The following ATP9B variants were observed in gnomAD, a reference collection of about 807,000 sequenced individuals.
ATP9B encodes the protein ATPase phospholipid transporting 9B, also known as probable phospholipid-transporting ATPase IIB.
In ATP9B, 110 loss-of-function variants were observed where a neutral mutation model predicts 146.1. That is an observed-to-expected ratio of 0.75 (90% CI 0.65 to 0.88). ATP9B has a LOEUF of 0.88. Among genes scored for constraint, ATP9B ranks in the 40% least tolerant of loss-of-function variants. The pLI, the probability that ATP9B is intolerant of heterozygous loss-of-function variation, is 0.00. For synonymous variants in ATP9B, 604 were observed against 569.7 expected (o/e 1.06, Z -0.86); for missense variants, 1,499 against 1,496.4 (o/e 1.00, Z -0.03).
At chr18:79,154,144 G>A (rs1192563028) in intron 6 of ATP9B, among the ~76,000 whole-genome samples, 1 of 146,916 alleles carries the variant, frequency 6.8e-6, no homozygotes, top group African/African-American at 2.5e-5. Context: ...TTTTTTTTTA[G>A]TAGAGACAAG....
Position 79,261,167 on chromosome 18 carries a change from G to A in ATP9B, c.1268+7626G>A, listed in dbSNP as rs62102767. Among the ~76,000 whole-genome samples the A allele has an allele frequency of 5.7e-3, 866 of 152,182 alleles. 2 individuals are homozygous for A. The highest frequency in any genetic ancestry group is 9.6e-3 in the Non-Finnish European group (656 of 68,000). On this transcript the variant is annotated intron_variant, in intron 12 of 29. Coordinates refer to ENST00000426216, the MANE Select transcript of ATP9B (RefSeq NM_198531.5). ...ATGCTATAATAGGCCGAGACATTAG[G>A]GATATTGGGATGGGGTAAATGTATT...
In ATP9B at chr18:79,336,719, G is replaced by A. The variant is rs199572315; in HGVS notation, c.2112+8G>A. 7.7e-5 allele frequency: 125 copies of A among 1,613,362 alleles called. No homozygotes were observed. The East Asian group carries it at 8.9e-4, about 12-fold the overall frequency. On this transcript the variant is annotated splice_region_variant and intron_variant, in intron 18 of 29. Coordinates refer to ENST00000426216, the MANE Select transcript of ATP9B (RefSeq NM_198531.5). ...CAGTACCAGGACTTTGAGGTGAGCC[G>A]ACTCCCAGCCATCCCATCCTCCTAC...
chr18:79,348,247 TGAAAAA>T, intron 25 of ATP9B, 51 bp downstream of exon 25: 2 of 1,094,250 alleles, frequency 1.8e-6, no homozygotes, highest in Non-Finnish European at 2.5e-6. Context: ...ACTTCTATTT[TGAAAAA>T]AAAAAAAAAA....
At position 79,136,154 on chromosome 18, in the gene ATP9B, A is replaced by G. The variant is rs553470118; in HGVS notation, c.668-7648A>G. On this transcript the variant is annotated intron_variant, in intron 5 of 29. Coordinates refer to ENST00000426216, the MANE Select transcript of ATP9B (RefSeq NM_198531.5). ...AACTAATTATTAATACAACTAATTAATACAACTAATACTAGTGTATTATTT... is the reference window on the plus strand; with the variant it reads ...AACTAATTATTAATACAACTAATTAGTACAACTAATACTAGTGTATTATTT... Among the ~76,000 whole-genome samples, 25 of 152,288 alleles carry G rather than the reference A, an allele frequency of 1.6e-4. 1 individual carries two copies. The South Asian group carries it at 4.6e-3, about 28-fold the overall frequency.
intron 12 of ATP9B, among the ~76,000 whole-genome samples, chr18:79,263,210 A>G (rs1255577590): frequency 1.3e-5 from 2 of 152,192 alleles, no homozygotes; most frequent in Non-Finnish European, 2.9e-5. Context: ...AATTGCATAT[A>G]TAAATATATG....
At position 79,377,877 on chromosome 18, in the gene ATP9B, C is replaced by A. The variant is rs1287526085; in HGVS notation, c.*494C>A. 1 of 158,564 alleles carries A rather than the reference C, an allele frequency of 6.3e-6. No individual in the cohort carries two copies. The highest frequency in any genetic ancestry group is 2.4e-5 in the African/African-American group (1 of 41,678). The allele number at this position is 158,564 out of a possible 1,614,324, so 9.8% of individuals were successfully genotyped here. Reference sequence around the variant, plus strand: ...GGCACAGATGCTGCGATGGCCTCTTCCTCTTAAGTGTGGGGCCTCACCCCT... The same window carrying A: ...GGCACAGATGCTGCGATGGCCTCTTACTCTTAAGTGTGGGGCCTCACCCCT... On this transcript the variant is annotated 3_prime_UTR_variant, in exon 30 of 30. Coordinates refer to ENST00000426216, the MANE Select transcript of ATP9B (RefSeq NM_198531.5).
intron 11 of ATP9B, among the ~76,000 whole-genome samples, chr18:79,236,337 T>G (rs1290772218): frequency 6.6e-6 from 1 of 152,212 alleles, no homozygotes; most frequent in Non-Finnish European, 1.5e-5. Flanking sequence ...CCCATTGGAT[T>G]GTTAGTCTTT....
chr18:79,253,724 C>T (rs190349098), intron 12 of ATP9B, 183 bp downstream of exon 12: 10 of 579,128 alleles, frequency 1.7e-5, no homozygotes, highest in South Asian at 2.8e-5. Context: ...TCATCAGTGC[C>T]GGTAGAATGA....
chr18:79,118,507 TCTC>T (rs1411209216), intron 4 of ATP9B, among the ~76,000 whole-genome samples: 4 of 146,688 alleles, frequency 2.7e-5, no homozygotes, highest in Admixed American at 6.9e-5. Flanking sequence ...TTCATGCCAT[TCTC>T]CTGCCTCAGC....
intron 9 of ATP9B, among the ~76,000 whole-genome samples, chr18:79,197,914 A>G (rs996163678): frequency 4.6e-5 from 7 of 152,228 alleles, no homozygotes; most frequent in African/African-American, 1.4e-4. Flanking sequence ...CTTCTAATCT[A>G]TAGAATAAGG....
chr18:79,100,855 T>G (rs1476842431), intron 2 of ATP9B, among the ~76,000 whole-genome samples: 1 of 152,074 alleles, frequency 6.6e-6, no homozygotes, highest in African/African-American at 2.4e-5. Flanking sequence ...GCAGAAAAAC[T>G]CCTGTTTTTA....
chr18:79,130,730 A>G (rs1004460315), intron 5 of ATP9B, among the ~76,000 whole-genome samples: 1 of 152,186 alleles, frequency 6.6e-6, no homozygotes, highest in African/African-American at 2.4e-5. Flanking sequence ...CTGGTCACAC[A>G]CAAGGAACCC....
intron 11 of ATP9B, among the ~76,000 whole-genome samples, chr18:79,234,341 C>T (rs932523920): frequency 1.3e-5 from 2 of 152,168 alleles, no homozygotes; most frequent in Non-Finnish European, 2.9e-5. Flanking sequence ...CACCGTTGAC[C>T]TTTTTCCCAT....
chr18:79,320,833 A>C (rs1301837789), intron 15 of ATP9B, among the ~76,000 whole-genome samples: 1 of 151,110 alleles, frequency 6.6e-6, no homozygotes, highest in African/African-American at 2.4e-5. Context: ...GGGAGCTTAC[A>C]TACTAGGAAA....
intron 5 of ATP9B, among the ~76,000 whole-genome samples, chr18:79,138,118 C>T (rs187487813): frequency 5.9e-5 from 9 of 152,218 alleles, no homozygotes; most frequent in Admixed American, 5.9e-4. Context: ...GTAGTAATGC[C>T]ATCTACATCA....
intron 11 of ATP9B, among the ~76,000 whole-genome samples, chr18:79,234,386 G>A (rs555532879): frequency 3.3e-5 from 5 of 152,300 alleles, no homozygotes; most frequent in East Asian, 3.9e-4. Context: ...GTGTGTCAGC[G>A]TGTGCTCCTG....
At chr18:79,306,039 A>T (rs1452780200) in intron 14 of ATP9B, among the ~76,000 whole-genome samples, 1 of 152,250 alleles carries the variant, frequency 6.6e-6, no homozygotes, top group Non-Finnish European at 1.5e-5. Flanking sequence ...CAGCGTGAGC[A>T]GGCGCAGATG....
intron 25 of ATP9B, among the ~76,000 whole-genome samples, chr18:79,349,896 C>A: frequency 2.8e-5 from 1 of 36,282 alleles, no homozygotes; most frequent in African/African-American, 1.6e-4. Flanking sequence ...GGCCCCGCAC[C>A]CCCCCCCCCA....
At chr18:79,360,935 CT>C (rs1019117532) in intron 26 of ATP9B, 1 of 152,222 alleles carries the variant, frequency 6.6e-6, no homozygotes, top group African/African-American at 2.4e-5. Context: ...CTTCGGGAAG[CT>C]AGTGTGAATA....
Sources: gnomAD v4.1 joint callset for allele counts (sites outside exome capture counted in the v4.1 genomes callset) on GRCh38, gnomAD v4.1.1 for gene constraint, MANE v1.5 for transcripts, NCBI Gene and HGNC (gene_info 2026-07-23, HGNC 2026-07-21) for gene names.